The following GLI2 variants were observed in gnomAD, a reference collection of about 807,000 sequenced individuals.
GLI2 encodes GLI family zinc finger 2.
Under a neutral mutation model 78.9 loss-of-function variants are expected in GLI2, and 22 were observed. The observed-to-expected ratio is 0.28, with a 90% CI of 0.20 to 0.40. GLI2 has a LOEUF of 0.40. Ranked by LOEUF, GLI2 falls within the 10% of genes least tolerant of loss-of-function variation. The pLI, the probability that GLI2 is intolerant of heterozygous loss-of-function variation, is 1.00. For synonymous variants in GLI2, 974 were observed against 963.7 expected (o/e 1.01, Z -0.20); for missense variants, 2,097 against 2,213.2 (o/e 0.95, Z 1.05).
intron 1 of GLI2, among the ~76,000 whole-genome samples, chr2:120,796,060 A>G (rs1305684277): frequency 1.3e-5 from 2 of 152,068 alleles, no homozygotes; most frequent in African/African-American, 2.4e-5. Flanking sequence ...CAAACAAACA[A>G]ACAAACAAAC....
intron 11 of GLI2, among the ~76,000 whole-genome samples, chr2:120,983,502 C>T (rs1443531981): frequency 4.6e-5 from 7 of 152,308 alleles, no homozygotes; most frequent in African/African-American, 1.4e-4. Flanking sequence ...CTGAGCTTGG[C>T]GTTTGTTGGT....
intron 2 of GLI2, among the ~76,000 whole-genome samples, chr2:120,830,331 G>A (rs1686296536): frequency 6.6e-6 from 1 of 152,224 alleles, no homozygotes; most frequent in Non-Finnish European, 1.5e-5. Context: ...CCCTAGCCCT[G>A]TGGGCATAGT....
intron 1 of GLI2, among the ~76,000 whole-genome samples, chr2:120,769,793 G>T (rs566252009): frequency 6.6e-6 from 1 of 152,092 alleles, no homozygotes; most frequent in African/African-American, 2.4e-5. Context: ...GGGAGTGTGC[G>T]TCTCTGCCTG....
intron 2 of GLI2, among the ~76,000 whole-genome samples, chr2:120,891,300 G>A (rs910515760): frequency 1.3e-5 from 2 of 152,092 alleles, no homozygotes; most frequent in Non-Finnish European, 2.9e-5. Context: ...GTGGGTGTAG[G>A]CAGAGAAGGA....
chr2:120,872,967 G>A (rs572404032), intron 2 of GLI2, among the ~76,000 whole-genome samples: 1 of 152,342 alleles, frequency 6.6e-6, no homozygotes, highest in Admixed American at 6.5e-5. Context: ...GCTACCCTCA[G>A]TGTACCACCC....
At chr2:120,887,161 A>G (rs1007031805) in intron 2 of GLI2, among the ~76,000 whole-genome samples, 1 of 151,922 alleles carries the variant, frequency 6.6e-6, no homozygotes, top group Admixed American at 6.5e-5. Flanking sequence ...CCTGCCTGAA[A>G]ACTCCCACAT....
rs543335090 is a variant in GLI2 at position 120,972,166 on chromosome 2, C to T, written c.1182+103C>T. ...GGTGAACGGATGGCTGGCTGGCTGC[C>T]TGCATGGATGAATGAGTGACCCAGG... On this transcript the variant is annotated intron_variant, in intron 8 of 13. Transcript: ENST00000361492. 1.4e-4 allele frequency: 183 copies of T among 1,313,706 alleles called. No individual in the cohort carries two copies. The African/African-American group carries it at 2.4e-3, about 17-fold the overall frequency. The allele number at this position is 1,313,706 out of a possible 1,614,324, so 81.4% of individuals were successfully genotyped here.
chr2:120,897,827 C>T (rs1280894460), intron 2 of GLI2, among the ~76,000 whole-genome samples: 1 of 152,144 alleles, frequency 6.6e-6, no homozygotes, highest in Non-Finnish European at 1.5e-5. Flanking sequence ...ATTTATATAA[C>T]ATGGTCACCT....
rs972899165 is a variant in GLI2 at position 120,737,584 on chromosome 2, A to G, written c.-31+1299A>G. ...GCCCGGGCATCCCGCTCGGTGCGCG[A>G]CCTCTGGCACGGGCTTTGCAGCTCG... On this transcript the variant is annotated intron_variant, in intron 1 of 13. Coordinates refer to ENST00000361492, the MANE Select transcript of GLI2 (RefSeq NM_001374353.1). The surrounding 1 kb of genome is among the most constrained non-coding windows in gnomAD (Gnocchi z 4.3). Among the ~76,000 whole-genome samples the G allele has an allele frequency of 6.6e-6, 1 of 151,642 alleles. No individual in the cohort carries two copies. The highest frequency in any genetic ancestry group is 1.5e-5 in the Non-Finnish European group (1 of 67,896).
intron 2 of GLI2, among the ~76,000 whole-genome samples, chr2:120,823,810 G>A (rs560895961): frequency 6.1e-4 from 93 of 152,310 alleles, no homozygotes; most frequent in African/African-American, 2.0e-3. Context: ...GTGGGATTCC[G>A]ATAGGCCTAG....
rs1686131866 is a variant in GLI2, at chr2:120,827,426, T to G, written c.148+29958T>G. On this transcript the variant is annotated intron_variant, in intron 2 of 13. Coordinates refer to ENST00000361492, the MANE Select transcript of GLI2 (RefSeq NM_001374353.1). ...GGATGTGGAGAAGTTGGCCTCCTTG[T>G]GCACTGCTGGTGGGAATGTGAAATA... Among the ~76,000 whole-genome samples the G allele has an allele frequency of 2.0e-5, 3 of 152,342 alleles. No individual in the cohort carries two copies. In the South Asian group the frequency reaches 6.2e-4, roughly 32 times the overall value.
chr2:120,956,719 A>C (rs1317997441), intron 5 of GLI2, among the ~76,000 whole-genome samples: 1 of 151,958 alleles, frequency 6.6e-6, no homozygotes, highest in East Asian at 1.9e-4. Flanking sequence ...GGGAGACAGG[A>C]GCCTGCAGGG....
At chr2:120,784,781 G>T (rs995161067) in intron 1 of GLI2, among the ~76,000 whole-genome samples, 6 of 152,126 alleles carry the variant, frequency 3.9e-5, no homozygotes, top group Non-Finnish European at 5.9e-5. Flanking sequence ...CCTGCCTCCA[G>T]GAAACCTTCC....
At position 120,800,988 on chromosome 2, in the gene GLI2, C is replaced by G. The variant is rs575176849; in HGVS notation, c.148+3520C>G. 3.3e-5 allele frequency among the ~76,000 whole-genome samples: 5 copies of G among 152,302 alleles called. No individual in the cohort carries two copies. The East Asian group carries it at 9.7e-4, about 29-fold the overall frequency. On this transcript the variant is annotated intron_variant, in intron 2 of 13. Coordinates refer to ENST00000361492, the MANE Select transcript of GLI2 (RefSeq NM_001374353.1). The surrounding 1 kb of genome is among the most constrained non-coding windows in gnomAD (Gnocchi z 4.1). ...GGTATCCAGATGTGGGGGCACCCTG[C>G]ATTCCCCGGCAGCTCATGGCCCCTC...
chr2:120,929,011 C>T (rs564786727), intron 3 of GLI2, among the ~76,000 whole-genome samples: 11 of 152,278 alleles, frequency 7.2e-5, no homozygotes, highest in Admixed American at 3.3e-4. Context: ...GAGACTCCTT[C>T]GTCATCTCCT....
chr2:120,788,063 G>A (rs1684047476), intron 1 of GLI2, among the ~76,000 whole-genome samples: 1 of 152,194 alleles, frequency 6.6e-6, no homozygotes, highest in East Asian at 1.9e-4. Flanking sequence ...ATAAGGCCAG[G>A]CCTGTGTGTG....
In GLI2 at chr2:120,970,591, G is replaced by C. The variant is rs1682098242; in HGVS notation, c.1044G>C (p.Leu348=). ...AGCTCAGCAGCAGCAGCAACTGTCT[G>C]AGTGACACCAACCAGGTAGGTGGGT... ...PTQLSSSSNC[L]SDTNQNKQSS... Residue 348 remains leucine (L), a synonymous_variant, in exon 7 of 14, where the codon CTG becomes CTC. Transcript: ENST00000361492. 1 of 1,614,076 alleles carries C rather than the reference G, an allele frequency of 6.2e-7. No homozygotes were observed. Among genetic ancestry groups the C allele is most frequent in the South Asian group, 1.1e-5 (1 of 91,074 alleles).
intron 3 of GLI2, among the ~76,000 whole-genome samples, chr2:120,935,896 C>T (rs767376066): frequency 1.1e-4 from 17 of 152,158 alleles, no homozygotes; most frequent in Admixed American, 1.1e-3. Context: ...CCAAAGCCCT[C>T]GCACAAGAGG....
intron 1 of GLI2, among the ~76,000 whole-genome samples, chr2:120,786,977 T>C (rs1454492952): frequency 6.6e-6 from 1 of 152,246 alleles, no homozygotes; most frequent in Non-Finnish European, 1.5e-5. Flanking sequence ...TCAGTTCGTC[T>C]CTGAGTCAGT....
Sources: gnomAD v4.1 joint callset for allele counts (sites outside exome capture counted in the v4.1 genomes callset) on GRCh38, gnomAD v4.1.1 for gene constraint, Gnocchi (gnomAD v3.1) non-coding constraint, MANE v1.5 for transcripts, NCBI Gene and HGNC (gene_info 2026-07-23, HGNC 2026-07-21) for gene names.